The following CDH13 variants were observed in gnomAD, a reference collection of about 807,000 sequenced individuals.
CDH13 encodes the protein cadherin 13, also known as cadherin-13.
In CDH13, 24 loss-of-function variants were observed where a neutral mutation model predicts 63.8. The observed-to-expected ratio is 0.38, with a 90% CI of 0.27 to 0.53. The LOEUF is 0.53. Among genes scored for constraint, CDH13 ranks in the 20% least tolerant of loss-of-function variants. The pLI is 0.85. For synonymous variants in CDH13, 503 were observed against 355.3 expected (o/e 1.42, Z -4.67); for missense variants, 1,049 against 903.1 (o/e 1.16, Z -2.07).
At chr16:83,104,926 C>T (rs934689065) in intron 3 of CDH13, among the ~76,000 whole-genome samples, 1 of 152,212 alleles carries the variant, frequency 6.6e-6, no homozygotes, top group African/African-American at 2.4e-5. Flanking sequence ...AATACAAGGG[C>T]AGTGCTCTGC....
rs1051234044 is a variant in CDH13, at chr16:83,263,385, T to C, written c.636+45888T>C. On this transcript the variant is annotated intron_variant, in intron 5 of 13. Coordinates refer to ENST00000567109, the MANE Select transcript of CDH13 (RefSeq NM_001257.5). Reference sequence around the variant, plus strand: ...GAAAATCAGGCTGATAGTGTTGTACTGAACTCAAATCTGCCTTTTAGGAAA... The same window carrying C: ...GAAAATCAGGCTGATAGTGTTGTACCGAACTCAAATCTGCCTTTTAGGAAA... 3.9e-5 allele frequency among the ~76,000 whole-genome samples: 6 copies of C among 152,360 alleles called. No individual in the cohort carries two copies. In the South Asian group the frequency reaches 8.3e-4, roughly 21 times the overall value.
At chr16:82,784,057 G>C (rs559757573) in intron 1 of CDH13, among the ~76,000 whole-genome samples, 1 of 152,146 alleles carries the variant, frequency 6.6e-6, no homozygotes, top group African/African-American at 2.4e-5. Flanking sequence ...CCCAGTGCTT[G>C]TTTTGAATGC....
At chr16:82,735,580 T>C (rs1298922858) in intron 1 of CDH13, among the ~76,000 whole-genome samples, 1 of 152,238 alleles carries the variant, frequency 6.6e-6, no homozygotes, top group Admixed American at 6.5e-5. Context: ...GTGTAATAGA[T>C]GAATAAGCTT....
intron 1 of CDH13, among the ~76,000 whole-genome samples, chr16:82,725,573 C>T (rs1219276919): frequency 5.9e-5 from 9 of 152,194 alleles, no homozygotes. Context: ...AGCCTCATTC[C>T]TGGCACATGG....
chr16:83,735,855 A>G (rs1424804163), intron 10 of CDH13: 1 of 152,220 alleles, frequency 6.6e-6, no homozygotes, highest in East Asian at 1.9e-4. Context: ...AGGATGTTGT[A>G]AATGGAATAC....
intron 10 of CDH13, among the ~76,000 whole-genome samples, chr16:83,699,204 G>A (rs1266156467): frequency 6.6e-6 from 1 of 152,216 alleles, no homozygotes; most frequent in Non-Finnish European, 1.5e-5. Flanking sequence ...GGTGACCTAA[G>A]CCCCAGTGGC....
At chr16:83,313,736 A>G (rs1051490823) in intron 5 of CDH13, among the ~76,000 whole-genome samples, 1 of 152,194 alleles carries the variant, frequency 6.6e-6, no homozygotes, top group African/African-American at 2.4e-5. Flanking sequence ...ATGAATTACA[A>G]TTGCCTTTTT....
At chr16:83,406,131 G>A (rs1342552843) in intron 6 of CDH13, among the ~76,000 whole-genome samples, 1 of 152,220 alleles carries the variant, frequency 6.6e-6, no homozygotes, top group Non-Finnish European at 1.5e-5. Flanking sequence ...AGTGGGGACA[G>A]GGGTCAGTGG....
chr16:83,280,979 A>G (rs7194987), intron 5 of CDH13, among the ~76,000 whole-genome samples: 8,045 of 152,280 alleles, frequency 0.053, 738 homozygotes, highest in African/African-American at 0.18. Flanking sequence ...TTCCATTTAT[A>G]GAGCAAGATT....
intron 6 of CDH13, among the ~76,000 whole-genome samples, chr16:83,419,907 G>A (rs539263571): frequency 3.7e-5 from 5 of 133,660 alleles, no homozygotes; most frequent in Non-Finnish European, 6.3e-5. Context: ...TCTCTGAATC[G>A]TCCAATCTTT....
At chr16:83,647,821 T>A (rs568745638) in intron 8 of CDH13, among the ~76,000 whole-genome samples, 4 of 151,834 alleles carry the variant, frequency 2.6e-5, no homozygotes, top group Admixed American at 2.6e-4. Context: ...TGTCCAGGAG[T>A]CTCCTTGACT....
At position 82,800,281 on chromosome 16, in the gene CDH13, G is replaced by T. The variant is rs575380245; in HGVS notation, c.46-58081G>T. On this transcript the variant is annotated intron_variant, in intron 1 of 13. Coordinates refer to ENST00000567109, the MANE Select transcript of CDH13 (RefSeq NM_001257.5). ...GAGGAAGTTGGGTCTCATTCAGTAG[G>T]TTAGGTCTCCTTTAAAATTGTATTT... Among the ~76,000 whole-genome samples, 142 of 152,108 alleles carry T rather than the reference G, an allele frequency of 9.3e-4. 2 individuals are homozygous for T. Among genetic ancestry groups the T allele is most frequent in the Non-Finnish European group, 1.8e-3 (124 of 68,024 alleles).
chr16:83,351,962 T>C (rs1353559114), intron 6 of CDH13, among the ~76,000 whole-genome samples: 1 of 152,218 alleles, frequency 6.6e-6, no homozygotes, highest in Non-Finnish European at 1.5e-5. Context: ...AGCTGTTTTG[T>C]AGATAGTGGA....
At chr16:83,372,586 T>A (rs1180645213) in intron 6 of CDH13, among the ~76,000 whole-genome samples, 1 of 151,798 alleles carries the variant, frequency 6.6e-6, no homozygotes, top group Non-Finnish European at 1.5e-5. Flanking sequence ...ACCCCATCTC[T>A]ACTAAAAATA....
intron 3 of CDH13, among the ~76,000 whole-genome samples, chr16:83,048,657 C>G (rs1204170011): frequency 6.6e-6 from 1 of 152,154 alleles, no homozygotes; most frequent in African/African-American, 2.4e-5. Context: ...CTCCTTTCCT[C>G]CCTCTCAGAG....
chr16:83,221,910 C>T (rs558446764), intron 5 of CDH13, among the ~76,000 whole-genome samples: 8 of 152,296 alleles, frequency 5.3e-5, no homozygotes, highest in African/African-American at 1.7e-4. Flanking sequence ...CCCTGACATA[C>T]ACAGACCTAT....
intron 1 of CDH13, among the ~76,000 whole-genome samples, chr16:82,834,929 A>G (rs1410169501): frequency 2.6e-5 from 4 of 152,198 alleles, no homozygotes; most frequent in Non-Finnish European, 5.9e-5. Context: ...TTGGCCCACA[A>G]AACCTAACAT....
rs1276255065 is a variant in CDH13 at position 83,263,735 on chromosome 16, C to T, written c.636+46238C>T. On this transcript the variant is annotated intron_variant, in intron 5 of 13. Transcript: ENST00000567109. ...CAAACCCCATGATGAACGGTGCAGGCAGGGAGAGTGGCAGAGACAGCAGGC... is the reference window on the plus strand; with the variant it reads ...CAAACCCCATGATGAACGGTGCAGGTAGGGAGAGTGGCAGAGACAGCAGGC... Among the ~76,000 whole-genome samples the T allele has an allele frequency of 5.3e-5, 8 of 152,304 alleles. No homozygotes were observed. The East Asian group carries it at 1.4e-3, about 26-fold the overall frequency.
At chr16:83,720,954 C>T (rs774566029) in intron 10 of CDH13, among the ~76,000 whole-genome samples, 1 of 152,208 alleles carries the variant, frequency 6.6e-6, no homozygotes, top group Non-Finnish European at 1.5e-5. Flanking sequence ...AGCCATCAGG[C>T]CCTCAGGAAC....
Sources: allele counts gnomAD v4.1 joint callset (sites outside exome capture counted in the v4.1 genomes callset), GRCh38; gene constraint gnomAD v4.1.1; transcripts MANE v1.5; gene names NCBI Gene and HGNC (gene_info 2026-07-23, HGNC 2026-07-21).